FBLN7: variants seen among roughly 807,000 people sequenced by gnomAD.
The protein encoded by FBLN7 is fibulin-7.
Under a neutral mutation model 44.0 loss-of-function variants are expected in FBLN7, and 31 were observed. The ratio of observed to expected loss-of-function variants is 0.70; its 90% CI spans 0.53 to 0.95. The LOEUF (loss-of-function observed/expected upper bound fraction) is 0.95. Ranked by LOEUF, FBLN7 falls within the 40% of genes least tolerant of loss-of-function variation. The pLI is 0.00. For synonymous variants in FBLN7, 262 were observed against 253.4 expected, an observed-to-expected ratio of 1.03 and a Z score of -0.32; for missense variants, 573 against 618.5, an observed-to-expected ratio of 0.93 and a Z score of 0.78.
intron 1 of FBLN7, among the ~76,000 whole-genome samples, chr2:112,158,575 A>G (rs2104559412): frequency 6.6e-6 from 1 of 152,174 alleles, no homozygotes; most frequent in South Asian, 2.1e-4. Context: ...AGCTGGGATT[A>G]CAGGCACCTG....
chr2:112,206,671 A>G, the FBLN7 span, among the ~76,000 whole-genome samples: 8 of 151,390 alleles, frequency 5.3e-5, no homozygotes, highest in East Asian at 1.6e-3. Flanking sequence ...TGGCCTCCCA[A>G]AGTGCTGAGA....
At chr2:112,228,772 C>T in the FBLN7 span, among the ~76,000 whole-genome samples, 1 of 152,012 alleles carries the variant, frequency 6.6e-6, no homozygotes, top group Non-Finnish European at 1.5e-5. Flanking sequence ...TTTGATGCTT[C>T]AAAAGATACC....
rs780732262 is a variant in FBLN7 at position 112,187,445 on chromosome 2, G to T, written c.1259G>T (p.Arg420Leu). ...GTCGACATGTCGGAATACCTGGACC[G>T]CTCCTTCCAGGCCAACCACGTGTCC... The part of the protein sequence containing the change: ...VDVDMSEYLD[R>L]SFQANHVSKV... Residue 420 changes from arginine to leucine, a missense_variant, in exon 8 of 8, where the codon CGC becomes CTC. By Grantham distance (102) the Arg-to-Leu change is moderately radical. Transcript: ENST00000331203. The surrounding 1 kb of genome is among the most constrained non-coding windows in gnomAD (Gnocchi z 5.1). The T allele has an allele frequency of 1.2e-6, 2 of 1,614,040 alleles. No homozygotes were observed. The highest frequency in any genetic ancestry group is 1.7e-6 in the Non-Finnish European group (2 of 1,180,046).
chr2:112,164,913 T>G, intron 2 of FBLN7, 88 bp from the exon 3 acceptor site: 3 of 1,455,180 alleles, frequency 2.1e-6, no homozygotes, highest in South Asian at 1.3e-5. Flanking sequence ...CAGAGGGCAC[T>G]TCGAGATGGG....
chr2:112,199,068 C>T, the FBLN7 span, among the ~76,000 whole-genome samples: 2 of 152,200 alleles, frequency 1.3e-5, no homozygotes, highest in South Asian at 2.1e-4. Context: ...GCATGACCCA[C>T]ATTTCCTTTT....
the FBLN7 span, among the ~76,000 whole-genome samples, chr2:112,216,695 A>AAAT: frequency 6.4e-4 from 98 of 152,090 alleles, no homozygotes; most frequent in South Asian, 5.0e-3. Flanking sequence ...AAAAAAAAAA[A>AAAT]AATACAAATA....
At chr2:112,236,292 G>A in the FBLN7 span, among the ~76,000 whole-genome samples, 3 of 152,134 alleles carry the variant, frequency 2.0e-5, no homozygotes, top group Middle Eastern at 6.8e-3. Context: ...AAAAATCAAG[G>A]AGCTTGTGTG....
rs1355674117 is a variant in FBLN7 at position 112,187,870 on chromosome 2, A to G, written c.*364A>G. 2.6e-6 allele frequency: 1 copy of G among 385,374 alleles called. No individual in the cohort carries two copies. Among genetic ancestry groups the G allele is most frequent in the Non-Finnish European group, 4.6e-6 (1 of 215,780 alleles). The allele number at this position is 385,374 out of a possible 1,614,324, so 23.9% of individuals were successfully genotyped here. On this transcript the variant is annotated 3_prime_UTR_variant, in exon 8 of 8. Coordinates refer to ENST00000331203, the MANE Select transcript of FBLN7 (RefSeq NM_153214.3). This position sits in a 1 kb window ranked among gnomAD's most constrained non-coding sequence, Gnocchi z 5.1. ...AGGTGGCAATGTGTGTCAGGTGACT[A>G]TCAGCCCTTCTGCCTTTTTGTAGCC...
chr2:112,173,365 T>C (rs923112319), intron 3 of FBLN7, among the ~76,000 whole-genome samples: 16 of 151,664 alleles, frequency 1.1e-4, no homozygotes, highest in African/African-American at 3.6e-4. Context: ...AACTATAACC[T>C]AGAGTATCAC....
chr2:112,156,079 TCTC>T lies in FBLN7; in HGVS notation c.76-3592_76-3590del, dbSNP rs202004317. On this transcript the variant is annotated intron_variant, in intron 1 of 7. Transcript: ENST00000331203. ...GCCTGGCTGGATGTGGGCAAGGACG[TCTC>T]CTCCACCTTCCCTTCACGCTTCCTG... Among the ~76,000 whole-genome samples the T allele has an allele frequency of 8.6e-4, 131 of 152,294 alleles. 1 individual carries two copies. The East Asian group carries it at 0.01, about 12-fold the overall frequency.
At chr2:112,200,018 T>C in the FBLN7 span, among the ~76,000 whole-genome samples, 2 of 152,208 alleles carry the variant, frequency 1.3e-5, no homozygotes, top group Admixed American at 1.3e-4. Flanking sequence ...ACCCAGTCTG[T>C]GGTATTCTGT....
the FBLN7 span, among the ~76,000 whole-genome samples, chr2:112,205,394 T>G: frequency 6.6e-6 from 1 of 151,454 alleles, no homozygotes; most frequent in South Asian, 2.1e-4. Flanking sequence ...ATTTTATATA[T>G]GTATGGAGTA....
the FBLN7 span, among the ~76,000 whole-genome samples, chr2:112,193,986 A>T: frequency 2.0e-5 from 3 of 152,344 alleles, no homozygotes; most frequent in Non-Finnish European, 4.4e-5. Flanking sequence ...CAATTATTTT[A>T]TTATGAATTA....
At chr2:112,179,575 T>C (rs971651983) in intron 4 of FBLN7, among the ~76,000 whole-genome samples, 2 of 152,070 alleles carry the variant, frequency 1.3e-5, no homozygotes, top group East Asian at 3.8e-4. Context: ...AGGAATCACA[T>C]TACCCAACTT....
At chr2:112,225,375 G>A in the FBLN7 span, among the ~76,000 whole-genome samples, 1 of 152,168 alleles carries the variant, frequency 6.6e-6, no homozygotes, top group African/African-American at 2.4e-5. Flanking sequence ...CTACTTGGGA[G>A]GCTTAGGTAG....
chr2:112,182,795 G>A lies in FBLN7; in HGVS notation c.675G>A (p.Val225=). ...GAAGDSVCQD[V]NECELYGQEG... The stretch of plus-strand genomic sequence containing the variant: ...AGTGAGCACTTCTGTCTGCAGACGT[G>A]AACGAGTGTGAGCTCTACGGGCAGG... Residue 225 remains valine, a synonymous_variant, in exon 6 of 8, where the codon GTG becomes GTA. Transcript: ENST00000331203. 1 of 1,601,356 alleles carries A rather than the reference G, an allele frequency of 6.2e-7. No homozygotes were observed.
intron 5 of FBLN7, among the ~76,000 whole-genome samples, 182 bp from the exon 6 acceptor site, chr2:112,182,609 G>T (rs1683057974): frequency 6.6e-6 from 1 of 152,224 alleles, no homozygotes; most frequent in Admixed American, 6.5e-5. Context: ...AGGAGAAAGG[G>T]AAGCACACCT....
the FBLN7 span, among the ~76,000 whole-genome samples, chr2:112,222,523 G>C: frequency 1.3e-5 from 2 of 152,164 alleles, no homozygotes; most frequent in African/African-American, 4.8e-5. Flanking sequence ...AATGAAATAA[G>C]CCTGTTGAGA....
chr2:112,198,341 A>G, the FBLN7 span, among the ~76,000 whole-genome samples: 1 of 152,158 alleles, frequency 6.6e-6, no homozygotes, highest in South Asian at 2.1e-4. Flanking sequence ...GTGTCCTTAT[A>G]AAAGAAACCC....
Sources: allele counts gnomAD v4.1 joint callset (sites outside exome capture counted in the v4.1 genomes callset), GRCh38; gene constraint gnomAD v4.1.1; non-coding constraint Gnocchi (gnomAD v3.1); transcripts MANE v1.5; gene names NCBI Gene and HGNC (gene_info 2026-07-23, HGNC 2026-07-21).